CACNA1G: variants seen among roughly 807,000 people sequenced by gnomAD.
The protein encoded by CACNA1G is voltage-dependent T-type calcium channel subunit alpha-1G.
Under a neutral mutation model 219.4 loss-of-function variants are expected in CACNA1G, and 67 were observed. That is an observed-to-expected ratio of 0.31 (90% CI 0.25 to 0.37). The LOEUF is 0.37. Among genes scored for constraint, CACNA1G ranks in the 10% least tolerant of loss-of-function variants. The pLI is 1.00. For missense variants in CACNA1G, 2,380 were observed against 3,231.4 expected (o/e 0.74, Z 6.39); for synonymous variants, 1,296 against 1,345.3 (o/e 0.96, Z 0.80).
chr17:50,591,879 G>A, intron 12 of CACNA1G, 26 bp downstream of exon 12: 1 of 1,613,386 alleles, frequency 6.2e-7, no homozygotes, highest in Non-Finnish European at 8.5e-7. Flanking sequence ...GGCAGGGCGT[G>A]GACAGGGGCC....
At position 50,599,569 on chromosome 17, in the gene CACNA1G, G is replaced by A. The variant is rs768447189; in HGVS notation, c.3400G>A (p.Gly1134Arg). The stretch of plus-strand genomic sequence containing the variant: ...TGGAGAGCGGCGGTCCCTGTTGTCG[G>A]GAGAAGGCCAGGAGAGCCAGGATGA... Reference protein sequence around the residue: ...PSGERRSLLSGEGQESQDEEE... With the variant: ...PSGERRSLLSREGQESQDEEE... The change falls in exon 17 of 38, where the codon GGA (glycine) becomes AGA (arginine). Residue 1134 changes from glycine (G) to arginine (R), a missense_variant. Physicochemically the swap from Gly to Arg is moderately radical, Grantham distance 125 (BLOSUM62 -2). Around this residue, in one of 17 missense-constraint regions of CACNA1G, gnomAD observed 418 missense variants for 434.3 expected, o/e 0.96. Transcript: ENST00000359106. 2 of 1,613,024 alleles carry A rather than the reference G, an allele frequency of 1.2e-6. No individual in the cohort carries two copies. Among genetic ancestry groups the A allele is most frequent in the Admixed American group, 1.7e-5 (1 of 59,938 alleles).
chr17:50,611,016 G>T lies in CACNA1G; in HGVS notation c.4759+1081G>T, dbSNP rs563733586. Among the ~76,000 whole-genome samples, 225 of 152,276 alleles carry T rather than the reference G, an allele frequency of 1.5e-3. 1 individual carries two copies. Among genetic ancestry groups the T allele is most frequent in the Middle Eastern group, 0.01 (3 of 294 alleles). On this transcript the variant is annotated intron_variant, in intron 26 of 37. Transcript: ENST00000359106. ...CACACCTGTAATCCCAGCACTTTGGGAGGCTGAGGCGGGCAGATCATGAGG... is the reference window on the plus strand; with the variant it reads ...CACACCTGTAATCCCAGCACTTTGGTAGGCTGAGGCGGGCAGATCATGAGG...
intron 9 of CACNA1G, among the ~76,000 whole-genome samples, chr17:50,588,266 G>A (rs547938848): frequency 1.2e-5 from 1 of 81,300 alleles, no homozygotes; most frequent in African/African-American, 5.2e-5. Context: ...CATCACCGTG[G>A]CTTGGTTCTG....
rs1234012095 is a variant in CACNA1G at position 50,578,503 on chromosome 17, G to A, written c.2240G>A (p.Arg747Gln). The change falls in exon 9 of 38, where the codon CGG becomes CAG. Residue 747 changes from arginine (R) to glutamine (Q), a missense_variant. By Grantham distance (43) the Arg-to-Gln change is conservative. This residue lies in a region of CACNA1G where 4 missense variants were observed against 26.3 expected (regional missense o/e 0.15). Coordinates refer to ENST00000359106, the MANE Select transcript of CACNA1G (RefSeq NM_018896.5). This position sits in a 1 kb window ranked among gnomAD's most constrained non-coding sequence, Gnocchi z 4.5. ...ATTGTGGACAGCAAGTACTTTGGCC[G>A]GGGAATCATGATCGCCATCCTGGTC... ...RKIVDSKYFG[R>Q]GIMIAILVNT... 1.5e-5 allele frequency: 24 copies of A among 1,584,384 alleles called. No homozygotes were observed. Among genetic ancestry groups the A allele is most frequent in the Middle Eastern group, 1.7e-4 (1 of 5,914 alleles).
At chr17:50,594,087 T>C (rs570168859) in intron 13 of CACNA1G, among the ~76,000 whole-genome samples, 1 of 152,330 alleles carries the variant, frequency 6.6e-6, no homozygotes, top group South Asian at 2.1e-4. Flanking sequence ...TTTGGTGGGC[T>C]TCCCCAGCAG....
chr17:50,602,110 T>C (rs2046814535), intron 19 of CACNA1G, among the ~76,000 whole-genome samples: 1 of 152,204 alleles, frequency 6.6e-6, no homozygotes, highest in African/African-American at 2.4e-5. Flanking sequence ...GAGGCCCTGC[T>C]GTAGAGCTCT....
chr17:50,620,768 T>C (rs1567776939), intron 34 of CACNA1G, among the ~76,000 whole-genome samples: 1 of 152,162 alleles, frequency 6.6e-6, no homozygotes, highest in African/African-American at 2.4e-5. Context: ...TTGCCTCTTG[T>C]TGGGATTCAG....
intron 23 of CACNA1G, 47 bp from the exon 24 acceptor site, chr17:50,606,853 C>A: frequency 7.1e-7 from 1 of 1,409,176 alleles, no homozygotes; most frequent in Non-Finnish European, 1.0e-6. Context: ...GGTGATTCAG[C>A]CACACATCCT....
At chr17:50,598,246 C>T (rs569514647) in intron 16 of CACNA1G, among the ~76,000 whole-genome samples, 1 of 152,316 alleles carries the variant, frequency 6.6e-6, no homozygotes, top group African/African-American at 2.4e-5. Context: ...CCAGGCTGGT[C>T]TCAAATACCT....
chr17:50,621,655 TC>T lies in CACNA1G; in HGVS notation c.5926-4del. The T allele has an allele frequency of 1.2e-6, 2 of 1,613,866 alleles. No homozygotes were observed. The highest frequency in any genetic ancestry group is 1.7e-6 in the Non-Finnish European group (2 of 1,179,828). ...TCATGCCTGATCATCTCTCTCCCTGTCTAGATCCCTCTAGCTGAGATGGAGG... is the reference window on the plus strand; with the variant it reads ...TCATGCCTGATCATCTCTCTCCCTGTTAGATCCCTCTAGCTGAGATGGAGG... On this transcript the variant is annotated splice_polypyrimidine_tract_variant and splice_region_variant and intron_variant, in intron 34 of 37. Coordinates refer to ENST00000359106, the MANE Select transcript of CACNA1G (RefSeq NM_018896.5). The surrounding 1 kb of genome is among the most constrained non-coding windows in gnomAD (Gnocchi z 4.6).
At position 50,626,132 on chromosome 17, in the gene CACNA1G, A is replaced by T. The variant is rs1311826194; in HGVS notation, c.6515A>T (p.Gln2172Leu). 3 of 1,613,682 alleles carry T rather than the reference A, an allele frequency of 1.9e-6. No homozygotes were observed. The East Asian group carries it at 6.7e-5, about 36-fold the overall frequency. The part of the protein sequence containing the change: ...PLARAYSFWG[Q>L]SSTQAQQHSR... Reference sequence around the variant, plus strand: ...GCCCGGGCCTACTCTTTCTGGGGCCAGTCAAGTACCCAGGCACAGCAGCAC... The same window carrying T: ...GCCCGGGCCTACTCTTTCTGGGGCCTGTCAAGTACCCAGGCACAGCAGCAC... Residue 2172 changes from glutamine (Q) to leucine (L), a missense_variant, in exon 38 of 38, where the codon CAG (glutamine) becomes CTG (leucine). By Grantham distance (113) the Gln-to-Leu change is moderately radical. Coordinates refer to ENST00000359106, the MANE Select transcript of CACNA1G (RefSeq NM_018896.5). This position sits in a 1 kb window ranked among gnomAD's most constrained non-coding sequence, Gnocchi z 4.3.
At chr17:50,572,508 G>A (rs2039685374) in intron 5 of CACNA1G, 46 bp from the exon 6 acceptor site, 3 of 1,461,150 alleles carry the variant, frequency 2.1e-6, no homozygotes, top group Admixed American at 4.9e-5. Flanking sequence ...TCTCCCTGGA[G>A]AGCCCACTCC....
intron 9 of CACNA1G, among the ~76,000 whole-genome samples, chr17:50,586,564 G>A (rs1358730465): frequency 6.6e-6 from 1 of 152,184 alleles, no homozygotes; most frequent in Non-Finnish European, 1.5e-5. Context: ...TGCAGATATC[G>A]GTCCTGCCTT....
chr17:50,582,008 C>T (rs183155043), intron 9 of CACNA1G, among the ~76,000 whole-genome samples: 71 of 152,350 alleles, frequency 4.7e-4, no homozygotes, highest in Middle Eastern at 3.4e-3. Flanking sequence ...AACACGATTC[C>T]ACCGAATGTG....
In CACNA1G at chr17:50,617,917, G is replaced by A. The variant is rs776385240; in HGVS notation, c.5214G>A (p.Gln1738=). Residue 1738 remains glutamine, a synonymous_variant, in exon 30 of 38, where the codon CAG becomes CAA. Transcript: ENST00000359106. The surrounding 1 kb of genome is among the most constrained non-coding windows in gnomAD (Gnocchi z 5.8). ...GGGCGCTGCTGGACACGGTGATGCA[G>A]GCCCTGCCCCAGGTAGCCGGGAGGT... The part of the protein sequence containing the change: ...GMRALLDTVM[Q]ALPQVGNLGL... The A allele has an allele frequency of 8.1e-6, 13 of 1,613,820 alleles. No homozygotes were observed. Among genetic ancestry groups the A allele is most frequent in the South Asian group, 6.6e-5 (6 of 91,072 alleles).
chr17:50,584,415 C>T (rs1239701802), intron 9 of CACNA1G, among the ~76,000 whole-genome samples: 2 of 151,944 alleles, frequency 1.3e-5, no homozygotes, highest in African/African-American at 4.8e-5. Flanking sequence ...GCTGCTGAGG[C>T]ATCCACTAAG....
In CACNA1G at chr17:50,613,387, A is replaced by G. The variant is rs537143882; in HGVS notation, c.4760-1974A>G. 6.2e-4 allele frequency among the ~76,000 whole-genome samples: 95 copies of G among 152,254 alleles called. 1 individual carries two copies. The highest frequency in any genetic ancestry group is 1.6e-3 in the Admixed American group (24 of 15,298). ...CCTCAGGGGCCGGGACCTGTCTATA[A>G]GCAGATGCCCTGCCTCAGTCCTCCT... On this transcript the variant is annotated intron_variant, in intron 26 of 37. Coordinates refer to ENST00000359106, the MANE Select transcript of CACNA1G (RefSeq NM_018896.5).
At position 50,596,570 on chromosome 17, in the gene CACNA1G, C is replaced by G. The variant is rs773969313; in HGVS notation, c.2988C>G (p.Ala996=). Residue 996 remains alanine, a synonymous_variant, in exon 15 of 38, where the codon GCC becomes GCG. Coordinates refer to ENST00000359106, the MANE Select transcript of CACNA1G (RefSeq NM_018896.5). The surrounding 1 kb of genome is among the most constrained non-coding windows in gnomAD (Gnocchi z 4.8). The part of the protein sequence containing the change: ...QLPVDSQGGD[A]NKSESEPDFF... Reference sequence around the variant, plus strand: ...CTGCTCCCCTGCCCTAGGGAGATGCCAACAAGTCCGAATCAGAGCCCGATT... The same window carrying G: ...CTGCTCCCCTGCCCTAGGGAGATGCGAACAAGTCCGAATCAGAGCCCGATT... 2 of 1,613,888 alleles carry G rather than the reference C, an allele frequency of 1.2e-6. No homozygotes were observed.
In CACNA1G at chr17:50,615,397, G is replaced by A. The variant is rs766821069; in HGVS notation, c.4796G>A (p.Arg1599His). Residue 1599 changes from arginine to histidine, a missense_variant, in exon 27 of 38, where the codon CGC becomes CAC. Around this residue, in one of 17 missense-constraint regions of CACNA1G, gnomAD observed 58 missense variants for 71.3 expected, o/e 0.81. Coordinates refer to ENST00000359106, the MANE Select transcript of CACNA1G (RefSeq NM_018896.5). ...QCKPYYSDYS[R>H]FRLLVHHLCT... ...AAACCTTACTACTCCGACTACTCCC[G>A]CTTCCGGCTCCTCGTCCACCACTTG... 8.7e-6 allele frequency: 14 copies of A among 1,612,106 alleles called. No homozygotes were observed. Among genetic ancestry groups the A allele is most frequent in the Admixed American group, 1.7e-5 (1 of 59,978 alleles).
Sources: gnomAD v4.1 joint callset for allele counts (sites outside exome capture counted in the v4.1 genomes callset) on GRCh38, gnomAD v4.1.1 for gene constraint, gnomAD v4.1.1 regional missense constraint, Gnocchi (gnomAD v3.1) non-coding constraint, MANE v1.5 for transcripts, NCBI Gene and HGNC (gene_info 2026-07-23, HGNC 2026-07-21) for gene names.